The following DLG2 variants were observed in gnomAD, a reference collection of about 807,000 sequenced individuals.
DLG2 encodes discs large MAGUK scaffold protein 2.
DLG2 carries 45 observed loss-of-function variants against 132.5 expected under a neutral mutation model. The ratio of observed to expected loss-of-function variants is 0.34; its 90% CI spans 0.27 to 0.44. The LOEUF (loss-of-function observed/expected upper bound fraction) is 0.44, where lower values mean the gene tolerates loss of function less well. Among genes scored for constraint, DLG2 ranks in the 20% least tolerant of loss-of-function variants. The pLI is 1.00. For synonymous variants in DLG2, 424 were observed against 419.6 expected (o/e 1.01, Z -0.13); for missense variants, 1,045 against 1,196.9 (o/e 0.87, Z 1.87).
chr11:84,731,615 T>G (rs1346433982), intron 6 of DLG2, among the ~76,000 whole-genome samples: 1 of 151,518 alleles, frequency 6.6e-6, no homozygotes, highest in Admixed American at 6.6e-5. Flanking sequence ...TGGGAAGGAC[T>G]GAGATAAACG....
chr11:84,211,549 T>G (rs1597503083), intron 8 of DLG2, among the ~76,000 whole-genome samples: 1 of 152,152 alleles, frequency 6.6e-6, no homozygotes, highest in Admixed American at 6.5e-5. Context: ...CCAGCCAATT[T>G]AATTTGTAAC....
chr11:85,325,557 G>A (rs1426918270), intron 3 of DLG2, among the ~76,000 whole-genome samples: 1 of 129,194 alleles, frequency 7.7e-6, no homozygotes, highest in Non-Finnish European at 1.6e-5. Context: ...CTGCAGCTGA[G>A]GGTCCTGTCT....
At chr11:83,893,198 G>C (rs1408987800) in intron 15 of DLG2, among the ~76,000 whole-genome samples, 2 of 152,154 alleles carry the variant, frequency 1.3e-5, no homozygotes, top group Admixed American at 6.5e-5. Context: ...CGTCCCAACT[G>C]ATTTTTCTCC....
At chr11:84,400,602 A>C (rs7125294) in intron 7 of DLG2, among the ~76,000 whole-genome samples, 21,882 of 152,148 alleles carry the variant, frequency 0.14, 2,618 homozygotes, top group African/African-American at 0.33. Flanking sequence ...CCAAACGCTT[A>C]AATATCACAA....
At chr11:85,435,724 T>TG (rs1247946629) in intron 3 of DLG2, among the ~76,000 whole-genome samples, 1 of 151,948 alleles carries the variant, frequency 6.6e-6, no homozygotes, top group Non-Finnish European at 1.5e-5. Flanking sequence ...ATTGTGAAAA[T>TG]GGCCATACTA....
chr11:84,919,663 G>A (rs117872018), intron 6 of DLG2, among the ~76,000 whole-genome samples: 1 of 152,048 alleles, frequency 6.6e-6, no homozygotes, highest in Non-Finnish European at 1.5e-5. Context: ...TGTACATGTG[G>A]GTATGTTTGT....
intron 6 of DLG2, among the ~76,000 whole-genome samples, chr11:84,948,880 C>A (rs1398325388): frequency 1.3e-5 from 2 of 152,182 alleles, no homozygotes; most frequent in Admixed American, 1.3e-4. Context: ...GATTGCTGCA[C>A]AATTTAAATG....
intron 6 of DLG2, among the ~76,000 whole-genome samples, chr11:84,535,965 A>ATATATATATATATATATATATATATATAT (rs1209865425): frequency 9.9e-5 from 15 of 151,442 alleles, no homozygotes; most frequent in African/African-American, 2.2e-4. Context: ...ATATATATAT[A>ATATATATATATATATATATATATATATAT]AAACTTCTAG....
rs924517314 is a variant in DLG2 at position 84,754,629 on chromosome 11, T to A, written c.358-219898A>T. 2.0e-5 allele frequency among the ~76,000 whole-genome samples: 3 copies of A among 151,328 alleles called. No individual in the cohort carries two copies. The South Asian group carries it at 6.4e-4, about 32-fold the overall frequency. On this transcript the variant is annotated intron_variant, in intron 6 of 27. Coordinates refer to ENST00000376104, the MANE Select transcript of DLG2 (RefSeq NM_001142699.3). ...CAAAAAGATCAGTGGTTGGTAGGGG[T>A]TGGGAGGCTGGAATTTGACTAAGCA... is the stretch of plus-strand genomic sequence containing the variant.
At chr11:84,973,535 G>A (rs1009584267) in intron 6 of DLG2, among the ~76,000 whole-genome samples, 2 of 152,132 alleles carry the variant, frequency 1.3e-5, no homozygotes, top group African/African-American at 4.8e-5. Context: ...AAGGTAATCC[G>A]AGTTACAATT....
At chr11:85,619,182 G>A (rs894905603) in intron 2 of DLG2, among the ~76,000 whole-genome samples, 2 of 151,926 alleles carry the variant, frequency 1.3e-5, no homozygotes, top group Non-Finnish European at 2.9e-5. Context: ...TTGTCCCTAC[G>A]GGGAATTTCT....
chr11:84,620,168 C>T (rs2099611420), intron 6 of DLG2, among the ~76,000 whole-genome samples: 1 of 151,336 alleles, frequency 6.6e-6, no homozygotes, highest in African/African-American at 2.4e-5. Flanking sequence ...TAGAAACAGG[C>T]TCACATAGTA....
At chr11:84,591,880 G>A (rs112577333) in intron 6 of DLG2, among the ~76,000 whole-genome samples, 8,118 of 152,076 alleles carry the variant, frequency 0.053, 288 homozygotes, top group African/African-American at 0.087. Context: ...TTTGGAGACA[G>A]TCTTGCTCTG....
At chr11:84,082,258 T>C (rs2096915944) in intron 10 of DLG2, among the ~76,000 whole-genome samples, 1 of 152,156 alleles carries the variant, frequency 6.6e-6, no homozygotes, top group Admixed American at 6.5e-5. Context: ...GTTATGGTAT[T>C]AAATGAAAAA....
At chr11:84,507,367 G>C (rs1360698342) in intron 7 of DLG2, among the ~76,000 whole-genome samples, 1 of 152,110 alleles carries the variant, frequency 6.6e-6, no homozygotes, top group Non-Finnish European at 1.5e-5. Flanking sequence ...TGGGAATCTG[G>C]GAAGGCTTTG....
At chr11:83,590,388 C>A (rs369843787) in intron 19 of DLG2, among the ~76,000 whole-genome samples, 1 of 152,148 alleles carries the variant, frequency 6.6e-6, no homozygotes, top group Non-Finnish European at 1.5e-5. Flanking sequence ...TCCTGAATGA[C>A]TACTGGATAC....
chr11:85,238,031 C>A (rs1290810531), intron 4 of DLG2, among the ~76,000 whole-genome samples: 1 of 151,750 alleles, frequency 6.6e-6, no homozygotes, highest in East Asian at 1.9e-4. Flanking sequence ...AGTAAATATT[C>A]TTTGTGGATT....
At chr11:84,612,485 G>A (rs376210550) in intron 6 of DLG2, among the ~76,000 whole-genome samples, 1 of 152,024 alleles carries the variant, frequency 6.6e-6, no homozygotes, top group African/African-American at 2.4e-5. Context: ...AGTAGATAAC[G>A]TTCATGATGG....
rs552069488 is a variant in DLG2 at position 85,247,659 on chromosome 11, C to T, written c.186+37561G>A. 3.0e-4 allele frequency among the ~76,000 whole-genome samples: 45 copies of T among 152,110 alleles called. No individual in the cohort carries two copies. The South Asian group carries it at 9.3e-3, about 32-fold the overall frequency. On this transcript the variant is annotated intron_variant, in intron 4 of 27. Transcript: ENST00000376104. Reference sequence around the variant, plus strand: ...GGAATGAAATATTTCCCTACCCATACCCAGAGGACTTATTCAAGAGACAAG... The same window carrying T: ...GGAATGAAATATTTCCCTACCCATATCCAGAGGACTTATTCAAGAGACAAG...
Sources: gnomAD v4.1 joint callset for allele counts (sites outside exome capture counted in the v4.1 genomes callset) on GRCh38, gnomAD v4.1.1 for gene constraint, MANE v1.5 for transcripts, NCBI Gene and HGNC (gene_info 2026-07-23, HGNC 2026-07-21) for gene names.